The following ARHGAP6 variants were observed in gnomAD, a reference collection of about 807,000 sequenced individuals.
ARHGAP6 encodes the protein rho GTPase-activating protein 6.
A neutral mutation model predicts 55.7 loss-of-function variants in ARHGAP6; 16 were observed. That is an observed-to-expected ratio of 0.29 (90% CI 0.19 to 0.44). ARHGAP6 has a LOEUF of 0.44. Ranked by LOEUF, ARHGAP6 falls within the 20% of genes least tolerant of loss-of-function variation. The pLI, the probability that ARHGAP6 is intolerant of heterozygous loss-of-function variation, is 1.00. For synonymous variants in ARHGAP6, 382 were observed against 360.9 expected (o/e 1.06, Z -0.66); for missense variants, 698 against 808.9 (o/e 0.86, Z 1.66).
intron 1 of ARHGAP6, among the ~76,000 whole-genome samples, chrX:11,603,443 T>C (rs1380671479): frequency 8.9e-6 from 1 of 112,073 alleles, no homozygotes; most frequent in African/African-American, 3.2e-5. Context: ...CCTCAGTCGA[T>C]TGCTGCTTTG....
intron 1 of ARHGAP6, among the ~76,000 whole-genome samples, chrX:11,571,240 C>A (rs1466304953): frequency 9.0e-6 from 1 of 111,699 alleles, no homozygotes; most frequent in Non-Finnish European, 1.9e-5. Context: ...CTAGAAAATT[C>A]TTTTGGGGTT....
At chrX:11,376,957 A>G (rs756913721) in intron 1 of ARHGAP6, among the ~76,000 whole-genome samples, 1 of 111,776 alleles carries the variant, frequency 8.9e-6, no homozygotes, top group Non-Finnish European at 1.9e-5. Flanking sequence ...CCATAGTAAA[A>G]CCATGATTGC....
intron 1 of ARHGAP6, among the ~76,000 whole-genome samples, chrX:11,401,215 G>A (rs777559020): frequency 9.0e-6 from 1 of 111,037 alleles, no homozygotes; most frequent in East Asian, 2.8e-4. Flanking sequence ...CCAGCCTCCC[G>A]CCCAATGAAC....
At chrX:11,181,030 C>T (rs2046307739) in intron 6 of ARHGAP6, among the ~76,000 whole-genome samples, 1 of 112,402 alleles carries the variant, frequency 8.9e-6, no homozygotes, top group Non-Finnish European at 1.9e-5. Flanking sequence ...AGGGGCTACA[C>T]TCACAGCCGG....
At chrX:11,460,448 T>C (rs1205567813) in intron 1 of ARHGAP6, among the ~76,000 whole-genome samples, 1 of 111,507 alleles carries the variant, frequency 9.0e-6, no homozygotes, top group Non-Finnish European at 1.9e-5. Context: ...CCCTGTATGA[T>C]CCTGAGTGCA....
At chrX:11,322,716 T>C (rs1364142485) in intron 1 of ARHGAP6, among the ~76,000 whole-genome samples, 1 of 112,369 alleles carries the variant, frequency 8.9e-6, no homozygotes, top group Non-Finnish European at 1.9e-5. Context: ...ACTCATTCTG[T>C]GAATTTTGCC....
At chrX:11,573,038 T>G (rs1158717947) in intron 1 of ARHGAP6, among the ~76,000 whole-genome samples, 1 of 111,756 alleles carries the variant, frequency 8.9e-6, no homozygotes, top group East Asian at 2.8e-4. Context: ...ATGGGGTTGT[T>G]TTTTTCTTGT....
chrX:11,356,266 G>T (rs1466879915), intron 1 of ARHGAP6, among the ~76,000 whole-genome samples: 1 of 109,001 alleles, frequency 9.2e-6, no homozygotes. Context: ...CCTGTTGGGG[G>T]TGGGGGACAA....
intron 1 of ARHGAP6, among the ~76,000 whole-genome samples, chrX:11,292,533 G>A (rs1363769433): frequency 1.8e-5 from 2 of 111,520 alleles, no homozygotes; most frequent in Non-Finnish European, 3.8e-5. Context: ...AGGAATTTGG[G>A]TTTGCCTGTA....
intron 1 of ARHGAP6, among the ~76,000 whole-genome samples, chrX:11,612,655 A>C (rs1055850932): frequency 1.8e-5 from 2 of 112,316 alleles, no homozygotes; most frequent in African/African-American, 6.5e-5. Context: ...GAACCATAAT[A>C]AATACATTTC....
chrX:11,412,326 A>G (rs1460693097), intron 1 of ARHGAP6, among the ~76,000 whole-genome samples: 1 of 111,760 alleles, frequency 8.9e-6, no homozygotes, highest in Non-Finnish European at 1.9e-5. Flanking sequence ...CCCACCAAAA[A>G]CAAAAATCCA....
At chrX:11,290,177 G>A (rs939213464) in intron 1 of ARHGAP6, among the ~76,000 whole-genome samples, 3 of 111,763 alleles carry the variant, frequency 2.7e-5, no homozygotes, top group African/African-American at 9.8e-5. Context: ...TGAGAGCAAT[G>A]CTGAATTATC....
At chrX:11,202,227 A>G (rs1336723629) in intron 2 of ARHGAP6, among the ~76,000 whole-genome samples, 2 of 110,379 alleles carry the variant, frequency 1.8e-5, no homozygotes, top group African/African-American at 6.6e-5. Flanking sequence ...TTCACTTGAA[A>G]CTTCTTCATT....
At chrX:11,333,832 C>T (rs1383505890) in intron 1 of ARHGAP6, among the ~76,000 whole-genome samples, 3 of 111,932 alleles carry the variant, frequency 2.7e-5, no homozygotes, top group African/African-American at 9.8e-5. Context: ...CTCTCAAAGC[C>T]TCTAATGTGT....
At chrX:11,264,372 G>A (rs1006440986) in intron 1 of ARHGAP6, among the ~76,000 whole-genome samples, 3 of 111,895 alleles carry the variant, frequency 2.7e-5, no homozygotes, top group Non-Finnish European at 5.6e-5. Context: ...ACCCAGGGCT[G>A]GGCTAACACC....
At chrX:11,294,538 C>A (rs377566843) in intron 1 of ARHGAP6, among the ~76,000 whole-genome samples, 44 of 111,643 alleles carry the variant, frequency 3.9e-4, no homozygotes, top group African/African-American at 1.3e-3. Flanking sequence ...CATTCATGTC[C>A]CTGTAACTTG....
At chrX:11,368,505 A>G (rs933278826) in intron 1 of ARHGAP6, among the ~76,000 whole-genome samples, 1 of 111,935 alleles carries the variant, frequency 8.9e-6, no homozygotes, top group Non-Finnish European at 1.9e-5. Context: ...CTAAAATAGC[A>G]TTCTTATTCC....
At chrX:11,340,484 G>C (rs914946756) in intron 1 of ARHGAP6, among the ~76,000 whole-genome samples, 3 of 111,575 alleles carry the variant, frequency 2.7e-5, no homozygotes, top group Non-Finnish European at 3.8e-5. Context: ...AATCCCAGCA[G>C]TTTGGGAGGC....
chrX:11,596,436 T>TGGGGG (rs2051904372), intron 1 of ARHGAP6, among the ~76,000 whole-genome samples: 2 of 107,619 alleles, frequency 1.9e-5, no homozygotes, highest in Non-Finnish European at 3.9e-5. Context: ...GTTGGGGGAG[T>TGGGGG]AGGGGAGGGA....
Sources: allele counts gnomAD v4.1 joint callset (sites outside exome capture counted in the v4.1 genomes callset), GRCh38; gene constraint gnomAD v4.1.1; transcripts MANE v1.5; gene names NCBI Gene and HGNC (gene_info 2026-07-23, HGNC 2026-07-21).